Variants in ARL15 observed in about 807,000 individuals in gnomAD.
ARL15 encodes the protein ARF like GTPase 15, also known as ADP-ribosylation factor-like protein 15.
ARL15 carries 19 observed loss-of-function variants against 25.2 expected under a neutral mutation model. The ratio of observed to expected loss-of-function variants is 0.75; its 90% confidence interval spans 0.53 to 1.10. The LOEUF (loss-of-function observed/expected upper bound fraction) is 1.10, where lower values mean the gene tolerates loss of function less well. Among genes scored for constraint, ARL15 ranks in the 50% least tolerant of loss-of-function variants. ARL15 has a pLI of 0.00. For missense variants in ARL15, 220 were observed against 246.0 expected, an observed-to-expected ratio of 0.89 and a Z score of 0.71; for synonymous variants, 94 against 86.8, an observed-to-expected ratio of 1.08 and a Z score of -0.46.
At chr5:54,279,556 C>A (rs1758004494) in intron 1 of ARL15, among the ~76,000 whole-genome samples, 1 of 152,154 alleles carries the variant, frequency 6.6e-6, no homozygotes, top group African/African-American at 2.4e-5. Flanking sequence ...TAATTATCTC[C>A]CAAAGGCCCC....
At chr5:54,158,565 GTAC>G (rs1754308040) in intron 2 of ARL15, among the ~76,000 whole-genome samples, 1 of 152,122 alleles carries the variant, frequency 6.6e-6, no homozygotes, top group Non-Finnish European at 1.5e-5. Flanking sequence ...GTTGGTATCA[GTAC>G]TACTGTCCCA....
At chr5:54,300,063 C>T (rs1035760750) in intron 1 of ARL15, among the ~76,000 whole-genome samples, 2 of 152,158 alleles carry the variant, frequency 1.3e-5, no homozygotes, top group Admixed American at 6.5e-5. Flanking sequence ...TAGTGCATGA[C>T]CCCATTACCC....
chr5:53,925,174 C>A lies in ARL15; in HGVS notation c.463-38461G>T, dbSNP rs1216339264. Among the ~76,000 whole-genome samples, 2 of 151,080 alleles carry A rather than the reference C, an allele frequency of 1.3e-5. 1 individual carries two copies. The highest frequency in any genetic ancestry group is 4.2e-4 in the South Asian group (2 of 4,786). On this transcript the variant is annotated intron_variant, in intron 4 of 4. Transcript: ENST00000504924. Reference sequence around the variant, plus strand: ...TTCCTAACTTGGGCCATTTAAAAACCTACAGTTTCATAATTCTATTTTTAT... The same window carrying A: ...TTCCTAACTTGGGCCATTTAAAAACATACAGTTTCATAATTCTATTTTTAT...
chr5:54,106,477 G>T (rs945652278), intron 4 of ARL15, among the ~76,000 whole-genome samples: 2 of 151,940 alleles, frequency 1.3e-5, no homozygotes, highest in African/African-American at 2.4e-5. Flanking sequence ...ATCTCCCATG[G>T]ATACCAAAAT....
intron 1 of ARL15, among the ~76,000 whole-genome samples, chr5:54,191,887 G>A (rs918586851): frequency 3.3e-5 from 5 of 152,046 alleles, no homozygotes; most frequent in African/African-American, 1.2e-4. Flanking sequence ...ATACTCCAAA[G>A]GCTCCCATCT....
rs1021424188 is a variant in ARL15, at chr5:54,310,425, C to A, written c.48+7G>T. On this transcript the variant is annotated splice_region_variant and intron_variant, in intron 1 of 4. Transcript: ENST00000504924. ...GAGGCGACATGCCACCCCTGCCCTG[C>A]ACCTACCAGATAATCCATGTACAGA... 1.9e-6 allele frequency: 3 copies of A among 1,608,956 alleles called. No individual in the cohort carries two copies. The African/African-American group carries it at 4.0e-5, about 22-fold the overall frequency.
intron 3 of ARL15, among the ~76,000 whole-genome samples, chr5:54,119,126 C>T (rs982779199): frequency 2.6e-5 from 4 of 152,148 alleles, no homozygotes; most frequent in South Asian, 2.1e-4. Flanking sequence ...GACCTTCCAA[C>T]GGCTCTTTGC....
chr5:54,027,164 G>T (rs1749807929), intron 4 of ARL15, among the ~76,000 whole-genome samples: 2 of 152,160 alleles, frequency 1.3e-5, no homozygotes, highest in African/African-American at 4.8e-5. Context: ...AGTGTAAACA[G>T]GTGAAACTGG....
chr5:54,143,281 T>C (rs560336064), intron 3 of ARL15, among the ~76,000 whole-genome samples: 1 of 152,224 alleles, frequency 6.6e-6, no homozygotes, highest in Non-Finnish European at 1.5e-5. Context: ...CAGGATTATG[T>C]AGTTAAATAT....
At chr5:54,304,320 T>A (rs74438417) in intron 1 of ARL15, among the ~76,000 whole-genome samples, 1 of 152,328 alleles carries the variant, frequency 6.6e-6, no homozygotes, top group African/African-American at 2.4e-5. Flanking sequence ...TTAATGCTAT[T>A]ACACATGCAA....
At chr5:53,906,452 A>C (rs1215079723) in intron 4 of ARL15, among the ~76,000 whole-genome samples, 1 of 152,142 alleles carries the variant, frequency 6.6e-6, no homozygotes, top group African/African-American at 2.4e-5. Context: ...AAGAGAAAAA[A>C]ATGGAAGCAA....
intron 1 of ARL15, among the ~76,000 whole-genome samples, chr5:54,173,876 TG>T (rs1383693359): frequency 6.6e-6 from 1 of 152,048 alleles, no homozygotes; most frequent in Non-Finnish European, 1.5e-5. Flanking sequence ...CCTCCAGCCA[TG>T]CCCTCTCTTA....
intron 3 of ARL15, among the ~76,000 whole-genome samples, chr5:54,121,150 C>T (rs932030774): frequency 6.6e-6 from 1 of 152,092 alleles, no homozygotes; most frequent in Non-Finnish European, 1.5e-5. Context: ...AGTGTTTTTT[C>T]GTCTGTGACT....
At chr5:53,912,655 T>C (rs1054824602) in intron 4 of ARL15, among the ~76,000 whole-genome samples, 3 of 152,206 alleles carry the variant, frequency 2.0e-5, no homozygotes, top group Non-Finnish European at 4.4e-5. Context: ...ACATGACACA[T>C]TGATATGATC....
At position 54,178,534 on chromosome 5, in the gene ARL15, A is replaced by T. The variant is rs547203662; in HGVS notation, c.49-6606T>A. On this transcript the variant is annotated intron_variant, in intron 1 of 4. Coordinates refer to ENST00000504924, the MANE Select transcript of ARL15 (RefSeq NM_019087.3). Reference sequence around the variant, plus strand: ...TAAATACTTTTTAGATTAACGAAACATCCATGAGTTAGTACCTAAAGGGAA... The same window carrying T: ...TAAATACTTTTTAGATTAACGAAACTTCCATGAGTTAGTACCTAAAGGGAA... Among the ~76,000 whole-genome samples the T allele has an allele frequency of 2.6e-5, 4 of 152,326 alleles. No homozygotes were observed. In the South Asian group the frequency reaches 8.3e-4, roughly 32 times the overall value.
At chr5:54,237,963 T>C (rs1297166406) in intron 1 of ARL15, among the ~76,000 whole-genome samples, 1 of 152,196 alleles carries the variant, frequency 6.6e-6, no homozygotes, top group East Asian at 1.9e-4. Context: ...GGGATTTGAA[T>C]TTTAAATAGA....
intron 4 of ARL15, among the ~76,000 whole-genome samples, chr5:53,994,540 G>A (rs752908994): frequency 1.3e-5 from 2 of 152,110 alleles, no homozygotes; most frequent in Non-Finnish European, 2.9e-5. Context: ...TGGCTCCTAG[G>A]GGCTCCAATT....
Position 53,926,952 on chromosome 5 carries a change from A to T in ARL15, c.463-40239T>A, listed in dbSNP as rs879462020. 9.6e-3 allele frequency among the ~76,000 whole-genome samples: 1,331 copies of T among 138,544 alleles called. 10 individuals are homozygous for T. Among genetic ancestry groups the T allele is most frequent in the Middle Eastern group, 0.022 (6 of 278 alleles). 90.9% of individuals were successfully genotyped at this position (138,544 alleles called of 152,430 possible). On this transcript the variant is annotated intron_variant, in intron 4 of 4. Coordinates refer to ENST00000504924, the MANE Select transcript of ARL15 (RefSeq NM_019087.3). ...CAGTCACCAAGACCTTTTTTTTTAA[A>T]AAAAAAAAATAAAGTCCAAAAGCCT...
intron 3 of ARL15, among the ~76,000 whole-genome samples, chr5:54,120,315 A>G (rs1241521590): frequency 6.6e-6 from 1 of 152,212 alleles, no homozygotes; most frequent in African/African-American, 2.4e-5. Flanking sequence ...ACATATTTAC[A>G]ATGAAACTTC....
Sources: gnomAD v4.1 joint callset for allele counts (sites outside exome capture counted in the v4.1 genomes callset) on GRCh38, gnomAD v4.1.1 for gene constraint, MANE v1.5 for transcripts, NCBI Gene and HGNC (gene_info 2026-07-23, HGNC 2026-07-21) for gene names.